The following HDLBP variants were observed in gnomAD, a reference collection of about 807,000 sequenced individuals.
The protein encoded by HDLBP is high density lipoprotein binding protein.
In HDLBP, 30 loss-of-function variants were observed where a neutral mutation model predicts 137.3. The ratio of observed to expected loss-of-function variants is 0.22; its 90% CI spans 0.16 to 0.30. HDLBP has a LOEUF of 0.30. HDLBP is among the 10% of genes least tolerant of loss of function. HDLBP has a pLI of 1.00. For synonymous variants in HDLBP, 606 were observed against 596.0 expected, an observed-to-expected ratio of 1.02 and a Z score of -0.24; for missense variants, 1,119 against 1,667.3, an observed-to-expected ratio of 0.67 and a Z score of 5.73.
intron 1 of HDLBP, chr2:241,273,172 A>C: frequency 1.0e-6 from 1 of 985,282 alleles, no homozygotes; most frequent in South Asian, 4.7e-5. Flanking sequence ...CAGAAGAAAA[A>C]CCTCAAAGGA....
chr2:241,258,877 G>A (rs1182691320), intron 5 of HDLBP, among the ~76,000 whole-genome samples: 9 of 152,080 alleles, frequency 5.9e-5, no homozygotes, highest in East Asian at 3.8e-4. Context: ...CTGATGAGAC[G>A]GCAAAACACT....
At chr2:241,252,805 C>T in intron 11 of HDLBP, 152 bp downstream of exon 11, 1 of 545,320 alleles carries the variant, frequency 1.8e-6, no homozygotes, top group Admixed American at 2.8e-5. Context: ...GTGGCCTCTT[C>T]CAGCAGGCAG....
intron 1 of HDLBP, chr2:241,269,027 C>T (rs1238501228): frequency 1.8e-4 from 28 of 152,274 alleles, no homozygotes; most frequent in Admixed American, 1.8e-3. Context: ...CAAGAATTCT[C>T]CGTCTATTTT....
chr2:241,259,949 A>G (rs2073022338), intron 5 of HDLBP, among the ~76,000 whole-genome samples: 1 of 152,226 alleles, frequency 6.6e-6, no homozygotes, highest in South Asian at 2.1e-4. Context: ...GGAAGGAAAT[A>G]TGTAAGATTA....
intron 15 of HDLBP, 66 bp from the exon 16 acceptor site, chr2:241,246,949 C>G: frequency 6.3e-7 from 1 of 1,594,988 alleles, no homozygotes; most frequent in East Asian, 2.2e-5. Context: ...CACAGTTGAG[C>G]ACAGGGCTAG....
In HDLBP at chr2:241,273,962, A is replaced by G. The variant is rs112062598; in HGVS notation, c.-102-5421T>C. 3.9e-5 allele frequency among the ~76,000 whole-genome samples: 6 copies of G among 152,186 alleles called. 1 individual carries two copies. Among genetic ancestry groups the G allele is most frequent in the African/African-American group, 1.4e-4 (6 of 41,492 alleles). ...GACAATGGCTTGCATTATGGTGGGC[A>G]TAATGGAGGAAATAAATGGCCAGAT... is the stretch of plus-strand genomic sequence containing the variant. On this transcript the variant is annotated intron_variant, in intron 1 of 27. Coordinates refer to ENST00000310931, the MANE Select transcript of HDLBP (RefSeq NM_005336.6).
chr2:241,247,494 G>A (rs1385253747), intron 14 of HDLBP: 2 of 313,538 alleles, frequency 6.4e-6, no homozygotes, highest in African/African-American at 4.2e-5. Context: ...GCAGCTCACA[G>A]TGCTGGAGTC....
Position 241,262,853 on chromosome 2 carries a change from A to AT in HDLBP, c.307dup (p.Ile103AsnfsTer4). On this transcript the variant is annotated frameshift_variant, in exon 5 of 28. Coordinates refer to ENST00000310931, the MANE Select transcript of HDLBP (RefSeq NM_005336.6). LOFTEE classifies it high-confidence loss of function. ...AGTTCTCTGCATGATCTCAAGGCAG[A>AT]TTTTTGCTTGTTCACCTTCTCCAAA... 1 of 1,614,136 alleles carries AT rather than the reference A, an allele frequency of 6.2e-7. No homozygotes were observed. Among genetic ancestry groups the AT allele is most frequent in the Non-Finnish European group, 8.5e-7 (1 of 1,180,014 alleles).
chr2:241,254,110 T>G (rs761780810), intron 9 of HDLBP, among the ~76,000 whole-genome samples: 4 of 151,986 alleles, frequency 2.6e-5, no homozygotes, highest in Non-Finnish European at 4.4e-5. Flanking sequence ...CTAGTAAGAC[T>G]CTGCCTCCAC....
intron 1 of HDLBP, among the ~76,000 whole-genome samples, chr2:241,293,278 C>T (rs897594958): frequency 1.3e-5 from 2 of 151,724 alleles, no homozygotes; most frequent in Non-Finnish European, 2.9e-5. Context: ...AGTTTGAGAC[C>T]AGCTTGGACA....
chr2:241,246,574 TGA>T, intron 16 of HDLBP, 176 bp downstream of exon 16: 1 of 627,074 alleles, frequency 1.6e-6, no homozygotes, highest in Non-Finnish European at 2.8e-6. Context: ...GTAAGTATCG[TGA>T]GAGACAAAGG....
intron 1 of HDLBP, among the ~76,000 whole-genome samples, chr2:241,311,844 G>A (rs1270370653): frequency 6.6e-6 from 1 of 152,146 alleles, no homozygotes; most frequent in South Asian, 2.1e-4. Context: ...TATCACTTTG[G>A]GCAGCCATGG....
At chr2:241,311,444 A>G (rs981470714) in intron 1 of HDLBP, among the ~76,000 whole-genome samples, 1 of 152,218 alleles carries the variant, frequency 6.6e-6, no homozygotes. Context: ...CATAGGTTCC[A>G]GAAAAGTGAG....
At chr2:241,309,053 A>G (rs1056097013) in intron 1 of HDLBP, among the ~76,000 whole-genome samples, 2 of 151,920 alleles carry the variant, frequency 1.3e-5, no homozygotes, top group Admixed American at 1.3e-4. Context: ...TTCCTCTTAT[A>G]ACGCTCTTCC....
chr2:241,268,136 T>TA (rs1202589971), intron 2 of HDLBP, among the ~76,000 whole-genome samples: 3 of 152,160 alleles, frequency 2.0e-5, no homozygotes, highest in Non-Finnish European at 4.4e-5. Flanking sequence ...TTTTATAACA[T>TA]AATTAAGACC....
chr2:241,274,342 G>A (rs887029976), intron 1 of HDLBP, among the ~76,000 whole-genome samples: 3 of 152,208 alleles, frequency 2.0e-5, no homozygotes, highest in East Asian at 1.9e-4. Flanking sequence ...CAGCAAAGCC[G>A]TGCTCTAAGT....
rs755680102 is a variant in HDLBP at position 241,242,666 on chromosome 2, C to T, written c.1963G>A (p.Glu655Lys). The change falls in exon 17 of 28, where the codon GAG (glutamate) becomes AAG (lysine). Residue 655 changes from glutamate to lysine, a missense_variant. Around this residue, in one of 4 missense-constraint regions of HDLBP, gnomAD observed 425 missense variants for 693.9 expected, o/e 0.61. Transcript: ENST00000310931. The stretch of plus-strand genomic sequence containing the variant: ...TTGGCAGGGATGGAGACCTCTACCT[C>T]GGCTATGTTGGCCTGAAACCAAACA... The part of the protein sequence containing the change: ...SIQKDLANIA[E>K]VEVSIPAKLH... 6 of 1,613,472 alleles carry T rather than the reference C, an allele frequency of 3.7e-6. No individual in the cohort carries two copies. The highest frequency in any genetic ancestry group is 1.3e-5 in the African/African-American group (1 of 74,894).
intron 1 of HDLBP, chr2:241,273,318 T>TC: frequency 1.2e-6 from 1 of 834,500 alleles, no homozygotes; most frequent in Non-Finnish European, 1.4e-6. Flanking sequence ...TTATAAACTA[T>TC]CCCCACCCGA....
intron 1 of HDLBP, among the ~76,000 whole-genome samples, chr2:241,292,250 A>G (rs2075035171): frequency 1.3e-5 from 2 of 150,896 alleles, no homozygotes; most frequent in African/African-American, 4.9e-5. Flanking sequence ...TACAGGAAGT[A>G]TGAGGATTAG....
Sources: allele counts gnomAD v4.1 joint callset (sites outside exome capture counted in the v4.1 genomes callset), GRCh38; gene constraint gnomAD v4.1.1; regional missense constraint gnomAD v4.1.1; transcripts MANE v1.5; gene names NCBI Gene and HGNC (gene_info 2026-07-23, HGNC 2026-07-21).